KIF17: variants seen among roughly 807,000 people sequenced by gnomAD.
KIF17 encodes the protein kinesin-like protein KIF17.
KIF17 carries 80 observed loss-of-function variants against 96.8 expected under a neutral mutation model. The ratio of observed to expected loss-of-function variants is 0.83; its 90% CI spans 0.69 to 1.00. The LOEUF (loss-of-function observed/expected upper bound fraction) is 1.00. Among genes scored for constraint, KIF17 ranks in the 50% least tolerant of loss-of-function variants. The probability of loss-of-function intolerance (pLI) is 0.00; values close to 1 mark genes in which losing one functional copy is unlikely to be tolerated. For synonymous variants in KIF17, 567 were observed against 587.5 expected (o/e 0.97, Z 0.51); for missense variants, 1,280 against 1,372.9 (o/e 0.93, Z 1.07).
chr1:20,698,620 A>G lies in KIF17; in HGVS notation c.1124-132T>C, dbSNP rs1212055942. The stretch of plus-strand genomic sequence containing the variant: ...AAAGTATTCAGCTTATTTCAAACAC[A>G]TCTCCATGTAAAAGGCTGTTAGTCA... On this transcript the variant is annotated intron_variant, in intron 5 of 14. Coordinates refer to ENST00000400463, the MANE Select transcript of KIF17 (RefSeq NM_001122819.3). The G allele has an allele frequency of 2.0e-5, 13 of 637,982 alleles. No homozygotes were observed. The East Asian group carries it at 3.3e-4, about 16-fold the overall frequency. The allele number at this position is 637,982 out of a possible 1,614,324, so 39.5% of individuals were successfully genotyped here. A position where few individuals can be genotyped will look rare whatever the true frequency, so the allele number is the denominator to read the frequency against.
At position 20,672,280 on chromosome 1, in the gene KIF17, A is replaced by G. The variant is rs530674317; in HGVS notation, c.2464-84T>C. The G allele has an allele frequency of 6.4e-7, 1 of 1,551,876 alleles. No individual in the cohort carries two copies. Among genetic ancestry groups the G allele is most frequent in the Admixed American group, 1.8e-5 (1 of 55,798 alleles). ...CACCCTGTCCACTCACTGTCCTGCC[A>G]GCAGCCACGCATCGTCTGTTCATTG... On this transcript the variant is annotated intron_variant, in intron 11 of 14. Coordinates refer to ENST00000400463, the MANE Select transcript of KIF17 (RefSeq NM_001122819.3). This position sits in a 1 kb window ranked among gnomAD's most constrained non-coding sequence, Gnocchi z 4.3.
chr1:20,715,738 C>T, intron 1 of KIF17, 99 bp from the exon 2 acceptor site: 2 of 1,404,706 alleles, frequency 1.4e-6, no homozygotes, highest in Non-Finnish European at 2.0e-6. Context: ...CCTTCCTGGT[C>T]CCCCCACCAA....
chr1:20,690,298 T>A lies in KIF17; in HGVS notation c.1271A>T (p.Tyr424Phe). 6.9e-7 allele frequency: 1 copy of A among 1,451,146 alleles called. No individual in the cohort carries two copies. 89.9% of individuals were successfully genotyped at this position (1,451,146 alleles called of 1,614,324 possible). The change falls in exon 7 of 15, where the codon TAT becomes TTT. Residue 424 changes from tyrosine to phenylalanine, a missense_variant. By Grantham distance (22) the Tyr-to-Phe change is conservative (BLOSUM62 3). Transcript: ENST00000400463. Reference protein sequence around the residue: ...EERLARLKADYKAEQESRARL... With the variant: ...EERLARLKADFKAEQESRARL... ...GGCCCGAGACTCCTGCTCGGCCTTA[T>A]AGTCGGCTTTCAGCCGGGCCAGGCG...
At chr1:20,703,700 T>C (rs2054287801) in intron 5 of KIF17, among the ~76,000 whole-genome samples, 1 of 151,668 alleles carries the variant, frequency 6.6e-6, no homozygotes, top group Non-Finnish European at 1.5e-5. Flanking sequence ...GTGTGTAGAA[T>C]GAATAGATGG....
intron 3 of KIF17, among the ~76,000 whole-genome samples, chr1:20,711,480 G>A (rs2054435721): frequency 6.6e-6 from 1 of 152,208 alleles, no homozygotes; most frequent in South Asian, 2.1e-4. Flanking sequence ...GCCAGAGCCG[G>A]GTCACCATGG....
intron 13 of KIF17, among the ~76,000 whole-genome samples, chr1:20,666,623 CAG>C (rs2053533858): frequency 6.6e-6 from 1 of 152,196 alleles, no homozygotes; most frequent in Non-Finnish European, 1.5e-5. Context: ...AAGCTCAAAA[CAG>C]GGTGTCCTGC....
chr1:20,676,946 C>T (rs953391655), intron 11 of KIF17, among the ~76,000 whole-genome samples: 1 of 152,212 alleles, frequency 6.6e-6, no homozygotes, highest in African/African-American at 2.4e-5. Flanking sequence ...TGCAGTGGCT[C>T]ATGCCTGTAA....
At position 20,682,534 on chromosome 1, in the gene KIF17, G is replaced by T. The variant is rs186371143; in HGVS notation, c.2463+119C>A. On this transcript the variant is annotated intron_variant, in intron 11 of 14. Transcript: ENST00000400463. Reference sequence around the variant, plus strand: ...AAAAATAAATAATAAATGCATGCATGCCTGCTGTGTAAAGAGTAGAGGGCT... The same window carrying T: ...AAAAATAAATAATAAATGCATGCATTCCTGCTGTGTAAAGAGTAGAGGGCT... 1.6e-4 allele frequency: 132 copies of T among 808,350 alleles called. No homozygotes were observed. The East Asian group carries it at 2.8e-3, about 17-fold the overall frequency. The allele number at this position is 808,350 out of a possible 1,614,324, so 50.1% of individuals were successfully genotyped here. A position where few individuals can be genotyped will look rare whatever the true frequency, so the allele number is the denominator to read the frequency against.
Position 20,687,775 on chromosome 1 carries a change from A to T in KIF17, c.1551T>A (p.Val517=), listed in dbSNP as rs753338404. 1 of 1,614,188 alleles carries T rather than the reference A, an allele frequency of 6.2e-7. No individual in the cohort carries two copies. The highest frequency in any genetic ancestry group is 8.5e-7 in the Non-Finnish European group (1 of 1,180,024). Residue 517 remains valine (V), a synonymous_variant, in exon 8 of 15, where the codon GTT becomes GTA. Transcript: ENST00000400463. The surrounding 1 kb of genome is among the most constrained non-coding windows in gnomAD (Gnocchi z 4.4). ...TGGGCAGCTCCGCAAACCTGGAGGA[A>T]ACCTGAGTCTTGGAGACATCGTCAC... ...LPSDDVSKTQ[V]SSRFAELPKV... is the part of the protein sequence containing the mutation.
intron 13 of KIF17, among the ~76,000 whole-genome samples, chr1:20,669,035 C>A (rs2053585127): frequency 6.6e-6 from 1 of 152,148 alleles, no homozygotes; most frequent in Non-Finnish European, 1.5e-5. Context: ...GGGTCCCTCT[C>A]TGGTGGCCCT....
intron 11 of KIF17, among the ~76,000 whole-genome samples, chr1:20,673,902 A>C (rs2053692219): frequency 6.6e-6 from 1 of 151,634 alleles, no homozygotes; most frequent in Admixed American, 6.6e-5. Flanking sequence ...GTTTTTGTAC[A>C]TCTGGAATCA....
At chr1:20,712,511 G>A (rs111266876) in intron 3 of KIF17, among the ~76,000 whole-genome samples, 36,538 of 122,114 alleles carry the variant, frequency 0.3, 7,022 homozygotes, top group Non-Finnish European at 0.43. Flanking sequence ...CTTGGGCAAC[G>A]CAGCGAGACC....
At chr1:20,691,904 G>A (rs2054045934) in intron 6 of KIF17, among the ~76,000 whole-genome samples, 1 of 152,164 alleles carries the variant, frequency 6.6e-6, no homozygotes, top group Non-Finnish European at 1.5e-5. Flanking sequence ...ACCCATCAAT[G>A]ACAAAATATG....
Position 20,687,933 on chromosome 1 carries a change from G to A in KIF17, c.1393C>T (p.Gln465Ter). The A allele has an allele frequency of 1.9e-6, 3 of 1,613,652 alleles. No homozygotes were observed. The highest frequency in any genetic ancestry group is 2.5e-6 in the Non-Finnish European group (3 of 1,179,984). The stretch of plus-strand genomic sequence containing the variant: ...TCAGCCTTGTAGAGGACTCCCACCT[G>A]CAGGACAGCCTCTGCAAAATGGAGA... ...NLRKETEAVL[Q>*]VGVLYKAEVM... Residue 465 changes from glutamine (Q) to a stop codon, truncating the protein, a stop_gained, in exon 8 of 15, where the codon CAG (glutamine) becomes TAG (stop). Transcript: ENST00000400463. LOFTEE classifies it high-confidence loss of function. This position sits in a 1 kb window ranked among gnomAD's most constrained non-coding sequence, Gnocchi z 4.4.
chr1:20,709,828 G>T lies in KIF17; in HGVS notation c.481C>A (p.Leu161Met). Reference protein sequence around the residue: ...LGADTKQKLELKEHPEKGVYV... With the variant: ...LGADTKQKLEMKEHPEKGVYV... ...ACGCCCTTCTCTGGGTGCTCCTTCA[G>T]CTGAGGGAGGAGGAACAGTCAGGGG... Residue 161 changes from leucine (L) to methionine (M), a missense_variant and splice_region_variant, in exon 4 of 15, where the codon CTG becomes ATG. Transcript: ENST00000400463. The surrounding 1 kb of genome is among the most constrained non-coding windows in gnomAD (Gnocchi z 4.7). The T allele has an allele frequency of 6.2e-7, 1 of 1,604,930 alleles. No homozygotes were observed. Among genetic ancestry groups the T allele is most frequent in the Non-Finnish European group, 8.5e-7 (1 of 1,175,730 alleles).
rs200555379 is a variant in KIF17, at chr1:20,666,185, G to C, written c.2908+29C>G. The C allele has an allele frequency of 1.7e-4, 259 of 1,507,166 alleles. 3 individuals are homozygous for C. The South Asian group carries it at 1.8e-3, about 11-fold the overall frequency. The allele number at this position is 1,507,166 out of a possible 1,614,324, so 93.4% of individuals were successfully genotyped here. A position where few individuals can be genotyped will look rare whatever the true frequency, so the allele number is the denominator to read the frequency against. On this transcript the variant is annotated intron_variant, in intron 14 of 14. Transcript: ENST00000400463. ...TTCACGCCTCTCCCAGTTGTGTGGAGAGGGTGGGGACAGGGGAGGGACACT... is the reference window on the plus strand; with the variant it reads ...TTCACGCCTCTCCCAGTTGTGTGGACAGGGTGGGGACAGGGGAGGGACACT...
rs1293065333 is a variant in KIF17 at position 20,717,479 on chromosome 1, C to T, written c.228G>A (p.Val76=). Residue 76 remains valine (V), a synonymous_variant, in exon 1 of 15, where the codon GTG becomes GTA. Transcript: ENST00000400463. ...GCGGCCTGCCGGGCGCCCTCACCTC[C>T]ACCAGCGGATAGGCGATCTCGTTGT... ...QIYNEIAYPL[V]EGVTEGYNGT... 1 of 1,610,916 alleles carries T rather than the reference C, an allele frequency of 6.2e-7. No homozygotes were observed. The highest frequency in any genetic ancestry group is 2.2e-5 in the East Asian group (1 of 44,820).
rs1436276510 is a variant in KIF17, at chr1:20,707,781, A to ATGTGTGTG, written c.670+1857_670+1858insCACACACA. On this transcript the variant is annotated intron_variant, in intron 4 of 14. Coordinates refer to ENST00000400463, the MANE Select transcript of KIF17 (RefSeq NM_001122819.3). ...CTGTCTCAAAAAAAAAAACAAACCAATGTGTATGTGTGTGTGTGTGTGTGT... is the reference window on the plus strand; with the variant it reads ...CTGTCTCAAAAAAAAAAACAAACCAATGTGTGTGTGTGTATGTGTGTGTGTGTGTGTGT... Among the ~76,000 whole-genome samples the ATGTGTGTG allele has an allele frequency of 3.6e-3, 323 of 90,926 alleles. 4 individuals are homozygous for ATGTGTGTG. Among genetic ancestry groups the ATGTGTGTG allele is most frequent in the African/African-American group, 0.015 (292 of 19,948 alleles). The allele number at this position is 90,926 out of a possible 152,430, so 59.7% of individuals were successfully genotyped here. A position where few individuals can be genotyped will look rare whatever the true frequency, so the allele number is the denominator to read the frequency against.
In KIF17 at chr1:20,690,247, A is replaced by G. The variant is rs757513855; in HGVS notation, c.1322T>C (p.Met441Thr). ...RARLEEDITAMRNSYDVRLST... is the reference protein window; with the variant it reads ...RARLEEDITATRNSYDVRLST... ...CAGCCTGACGTCATATGAGTTGCGC[A>G]TGGCAGTGATGTCTTCCTCCAGCCT... Residue 441 changes from methionine to threonine, a missense_variant, in exon 7 of 15, where the codon ATG (methionine) becomes ACG (threonine). Coordinates refer to ENST00000400463, the MANE Select transcript of KIF17 (RefSeq NM_001122819.3). 2.1e-5 allele frequency: 32 copies of G among 1,544,898 alleles called. No homozygotes were observed. In the South Asian group the frequency reaches 2.4e-4, roughly 12 times the overall value.
Sources: allele counts gnomAD v4.1 joint callset (sites outside exome capture counted in the v4.1 genomes callset), GRCh38; gene constraint gnomAD v4.1.1; non-coding constraint Gnocchi (gnomAD v3.1); transcripts MANE v1.5; gene names NCBI Gene and HGNC (gene_info 2026-07-23, HGNC 2026-07-21).